PHTF1: variants seen among roughly 807,000 people sequenced by gnomAD.
PHTF1 encodes the protein putative homeodomain transcription factor 1.
PHTF1 carries 88 observed loss-of-function variants against 102.4 expected under a neutral mutation model. That is an observed-to-expected ratio of 0.86 (90% confidence interval 0.72 to 1.03). PHTF1 has a LOEUF of 1.03. Ranked by LOEUF, PHTF1 falls within the 50% of genes least tolerant of loss-of-function variation. PHTF1 has a pLI of 0.00. For synonymous variants in PHTF1, 289 were observed against 305.2 expected (o/e 0.95, Z 0.55); for missense variants, 814 against 909.5 (o/e 0.89, Z 1.35).
chr1:113,716,000 T>C (rs1651959741), intron 7 of PHTF1, among the ~76,000 whole-genome samples: 1 of 152,072 alleles, frequency 6.6e-6, no homozygotes, highest in Non-Finnish European at 1.5e-5. Context: ...ATCTAAGAGT[T>C]ACTGACCTTA....
chr1:113,698,177 A>G, intron 18 of PHTF1, 85 bp downstream of exon 18: 1 of 929,838 alleles, frequency 1.1e-6, no homozygotes, highest in Non-Finnish European at 1.7e-6. Context: ...ACACACACAC[A>G]CACACACACA....
intron 3 of PHTF1, among the ~76,000 whole-genome samples, chr1:113,745,635 C>T (rs1657109958): frequency 6.6e-6 from 1 of 152,186 alleles, no homozygotes; most frequent in African/African-American, 2.4e-5. Flanking sequence ...AAATTACCAC[C>T]TCAGCCCTAC....
chr1:113,715,001 T>C (rs1651757574), intron 7 of PHTF1: 1 of 152,104 alleles, frequency 6.6e-6, no homozygotes. Flanking sequence ...TCCAGAGAAT[T>C]CTCCCAGATC....
chr1:113,733,343 T>C (rs192237761), intron 5 of PHTF1, among the ~76,000 whole-genome samples: 17 of 152,208 alleles, frequency 1.1e-4, no homozygotes, highest in African/African-American at 3.9e-4. Context: ...CATTCTTTGA[T>C]CTGTTAATTC....
chr1:113,708,285 G>C (rs1650511668), intron 11 of PHTF1, among the ~76,000 whole-genome samples: 1 of 152,174 alleles, frequency 6.6e-6, no homozygotes. Context: ...GAGAGATGCA[G>C]GTATTTAGAC....
intron 3 of PHTF1, among the ~76,000 whole-genome samples, chr1:113,744,546 C>T (rs1469008590): frequency 6.6e-6 from 1 of 152,120 alleles, no homozygotes. Flanking sequence ...ATAAAGGACA[C>T]CTTATTCACA....
At chr1:113,721,169 T>C (rs1005308701) in intron 7 of PHTF1, among the ~76,000 whole-genome samples, 10 of 152,088 alleles carry the variant, frequency 6.6e-5, no homozygotes, top group Non-Finnish European at 2.9e-5. Flanking sequence ...CCAAGTAGGG[T>C]TATACCAGGG....
In PHTF1 at chr1:113,697,602, T is replaced by C. The variant is rs1648934135; in HGVS notation, c.*103A>G. ...TGGCAGAGCTGAGAGCACCTGTGCA[T>C]GTGAACAAGCAGGTGGGTATCTCAC... On this transcript the variant is annotated 3_prime_UTR_variant, in exon 19 of 19. Transcript: ENST00000369604. 1 of 803,248 alleles carries C rather than the reference T, an allele frequency of 1.2e-6. No homozygotes were observed. Among genetic ancestry groups the C allele is most frequent in the South Asian group, 1.5e-5 (1 of 66,806 alleles). The allele number at this position is 803,248 out of a possible 1,614,324, so 49.8% of individuals were successfully genotyped here. A position where few individuals can be genotyped will look rare whatever the true frequency, so the allele number is the denominator to read the frequency against.
chr1:113,728,934 GA>G (rs1654230651), intron 5 of PHTF1, among the ~76,000 whole-genome samples: 1 of 152,008 alleles, frequency 6.6e-6, no homozygotes, highest in South Asian at 2.1e-4. Flanking sequence ...AAGAACAAAA[GA>G]AAGAAAGGAA....
At position 113,699,752 on chromosome 1, in the gene PHTF1, CT is replaced by C; in HGVS notation, c.2093del (p.Gln698ArgfsTer4). 6.8e-7 allele frequency: 1 copy of C among 1,466,966 alleles called. No homozygotes were observed. The highest frequency in any genetic ancestry group is 9.4e-7 in the Non-Finnish European group (1 of 1,059,920). 90.9% of individuals were successfully genotyped at this position (1,466,966 alleles called of 1,614,324 possible). ...TTAATACATTGTTTACTAGAGTAAG[CT>C]GTTCTTTCTTATTTGGCTTTTTTTC... The part of the protein sequence containing the change: ...KMEKKPNKKE[Q>X]LTLVNNVLKL... On this transcript the variant is annotated frameshift_variant, in exon 17 of 19. Coordinates refer to ENST00000369604, the MANE Select transcript of PHTF1 (RefSeq NM_001323043.2). LOFTEE classifies it high-confidence loss of function.
intron 7 of PHTF1, among the ~76,000 whole-genome samples, chr1:113,722,013 A>G (rs1327776108): frequency 1.3e-5 from 2 of 152,108 alleles, no homozygotes; most frequent in South Asian, 4.1e-4. Context: ...TAGCATTTCT[A>G]TATGCCAACA....
rs1981319 is a variant in PHTF1 at position 113,725,023 on chromosome 1, C to T, written c.489-130G>A. ...AAGTATAGTTTAACTTCATATTCTG[C>T]GGATAAACTATGCAAGAACTTTCTG... On this transcript the variant is annotated intron_variant, in intron 6 of 18. Transcript: ENST00000369604. 28 of 631,578 alleles carry T rather than the reference C, an allele frequency of 4.4e-5. No individual in the cohort carries two copies. The Admixed American group carries it at 7.4e-4, about 17-fold the overall frequency. 39.1% of individuals were successfully genotyped at this position (631,578 alleles called of 1,614,324 possible).
chr1:113,727,932 C>T (rs564092436), intron 5 of PHTF1, among the ~76,000 whole-genome samples: 2 of 152,028 alleles, frequency 1.3e-5, no homozygotes, highest in African/African-American at 2.4e-5. Context: ...AAGATCACAC[C>T]ACTGCACTCC....
Position 113,706,038 on chromosome 1 carries a change from A to G in PHTF1, c.1523T>C (p.Ile508Thr). ...REKSLDQLKS[I>T]SAEEILTLFC... The stretch of plus-strand genomic sequence containing the variant: ...GAGAGTCAAGATCTCCTCAGCTGAA[A>G]TGGACTTTAGTTGGTCAAGGCTCTT... The change falls in exon 13 of 19, where the codon ATT (isoleucine) becomes ACT (threonine). Residue 508 changes from isoleucine to threonine, a missense_variant. Coordinates refer to ENST00000369604, the MANE Select transcript of PHTF1 (RefSeq NM_001323043.2). The G allele has an allele frequency of 1.6e-5, 26 of 1,614,160 alleles. No homozygotes were observed. The highest frequency in any genetic ancestry group is 2.2e-5 in the Non-Finnish European group (26 of 1,180,002).
chr1:113,751,650 G>C (rs1176636875), intron 3 of PHTF1, among the ~76,000 whole-genome samples: 7 of 152,172 alleles, frequency 4.6e-5, no homozygotes, highest in Admixed American at 4.6e-4. Context: ...ATTAAGAATA[G>C]TGCTGCTATG....
intron 3 of PHTF1, among the ~76,000 whole-genome samples, chr1:113,752,194 T>G (rs1036750184): frequency 1.7e-4 from 26 of 152,104 alleles, no homozygotes; most frequent in Non-Finnish European, 3.7e-4. Context: ...CTAAGCAATG[T>G]TTTATAGTTT....
chr1:113,730,642 A>T (rs1270516480), intron 5 of PHTF1, among the ~76,000 whole-genome samples: 3 of 152,264 alleles, frequency 2.0e-5, no homozygotes, highest in Admixed American at 6.5e-5. Flanking sequence ...AATTTTAATT[A>T]TAAACCAATA....
chr1:113,731,263 C>T (rs1251385179), intron 5 of PHTF1, among the ~76,000 whole-genome samples: 7 of 152,110 alleles, frequency 4.6e-5, no homozygotes, highest in Non-Finnish European at 2.9e-5. Flanking sequence ...GTGGCTCACA[C>T]GTGTAACTCA....
chr1:113,702,544 G>A (rs1649565480), intron 15 of PHTF1, among the ~76,000 whole-genome samples: 1 of 151,976 alleles, frequency 6.6e-6, no homozygotes. Flanking sequence ...TTGAAGCCAG[G>A]AGTTCGAGGC....
Sources: allele counts gnomAD v4.1 joint callset (sites outside exome capture counted in the v4.1 genomes callset), GRCh38; gene constraint gnomAD v4.1.1; transcripts MANE v1.5; gene names NCBI Gene and HGNC (gene_info 2026-07-23, HGNC 2026-07-21).